Variants in PITPNM2 observed in about 807,000 individuals in gnomAD.
PITPNM2 encodes phosphatidylinositol transfer protein membrane associated 2.
In PITPNM2, 35 loss-of-function variants were observed where a neutral mutation model predicts 132.2. That is an observed-to-expected ratio of 0.26 (90% CI 0.20 to 0.35). PITPNM2 has a LOEUF of 0.35. Among genes scored for constraint, PITPNM2 ranks in the 10% least tolerant of loss-of-function variants. The pLI is 1.00. For missense variants in PITPNM2, 1,332 were observed against 1,912.0 expected (o/e 0.70, Z 5.66); for synonymous variants, 738 against 799.2 (o/e 0.92, Z 1.29).
chr12:123,035,165 A>T (rs940589885), intron 2 of PITPNM2, among the ~76,000 whole-genome samples: 1 of 152,236 alleles, frequency 6.6e-6, no homozygotes, highest in Non-Finnish European at 1.5e-5. Context: ...ACATCACTAC[A>T]TCCCAAGGGG....
chr12:123,039,319 A>G (rs2040380182), intron 2 of PITPNM2, among the ~76,000 whole-genome samples: 1 of 152,174 alleles, frequency 6.6e-6, no homozygotes, highest in Non-Finnish European at 1.5e-5. Flanking sequence ...GTTGAAATCC[A>G]ACTAACCAAA....
chr12:123,101,838 A>C (rs746097464), intron 2 of PITPNM2, among the ~76,000 whole-genome samples: 2 of 152,150 alleles, frequency 1.3e-5, no homozygotes, highest in Non-Finnish European at 2.9e-5. Flanking sequence ...TGGGAGGATC[A>C]CTTGAGGAAA....
intron 2 of PITPNM2, among the ~76,000 whole-genome samples, chr12:123,060,891 A>G (rs2041212532): frequency 6.6e-6 from 1 of 152,120 alleles, no homozygotes; most frequent in Non-Finnish European, 1.5e-5. Context: ...GTAGATGGAA[A>G]AATTAAGGCC....
At chr12:123,076,301 C>T (rs1435430887) in intron 2 of PITPNM2, among the ~76,000 whole-genome samples, 1 of 152,164 alleles carries the variant, frequency 6.6e-6, no homozygotes, top group Non-Finnish European at 1.5e-5. Flanking sequence ...TTCCTCTCAT[C>T]CTGCCCAGTT....
At chr12:123,021,545 G>T in intron 3 of PITPNM2, 1 of 630,316 alleles carries the variant, frequency 1.6e-6, no homozygotes, top group Non-Finnish European at 2.0e-6. Context: ...AAAATGCTGG[G>T]ATTACAGGAG....
chr12:123,063,094 C>T (rs559117725), intron 2 of PITPNM2, among the ~76,000 whole-genome samples: 12 of 152,390 alleles, frequency 7.9e-5, no homozygotes, highest in African/African-American at 2.6e-4. Context: ...GCTCTGCTGA[C>T]GGAACCTGTG....
chr12:122,997,696 A>C (rs2136133387), intron 10 of PITPNM2, 124 bp from the exon 11 acceptor site: 1 of 1,359,862 alleles, frequency 7.4e-7, no homozygotes, highest in South Asian at 1.4e-5. Flanking sequence ...TGAGAACCCC[A>C]GTTTTGGTTA....
At chr12:123,072,269 G>C (rs1009357444) in intron 2 of PITPNM2, among the ~76,000 whole-genome samples, 6 of 152,176 alleles carry the variant, frequency 3.9e-5, no homozygotes. Flanking sequence ...GGCTCCGAGA[G>C]GTCAAAGGAA....
chr12:123,151,090 T>C lies in PITPNM2; in HGVS notation c.-537A>G, dbSNP rs1339249278. On this transcript the variant is annotated 5_prime_UTR_variant, in exon 1 of 26. Transcript: ENST00000320201. ...CCCCGCGCACCCCAGCGGCCGCTGC[T>C]GCCCGCGCGCGCCGGGCCGGGCTCG... 6.9e-6 allele frequency among the ~76,000 whole-genome samples: 1 copy of C among 144,082 alleles called. No individual in the cohort carries two copies. The allele number at this position is 144,082 out of a possible 152,430, so 94.5% of individuals were successfully genotyped here. A position where few individuals can be genotyped will look rare whatever the true frequency, so the allele number is the denominator to read the frequency against.
At chr12:123,040,464 A>G (rs1021180531) in intron 2 of PITPNM2, among the ~76,000 whole-genome samples, 1 of 152,192 alleles carries the variant, frequency 6.6e-6, no homozygotes, top group Non-Finnish European at 1.5e-5. Context: ...TTAAATGAGT[A>G]TATGTATGGT....
intron 2 of PITPNM2, among the ~76,000 whole-genome samples, chr12:123,059,333 G>C (rs1214940353): frequency 6.6e-6 from 1 of 152,228 alleles, no homozygotes; most frequent in African/African-American, 2.4e-5. Context: ...AAAAGGTCTC[G>C]GATGTGGGGC....
intron 2 of PITPNM2, among the ~76,000 whole-genome samples, chr12:123,054,061 T>C (rs1375131271): frequency 3.3e-5 from 5 of 152,198 alleles, no homozygotes; most frequent in Non-Finnish European, 5.9e-5. Context: ...ATTCACTCCA[T>C]ATCTGTCATT....
intron 5 of PITPNM2, 133 bp downstream of exon 5, chr12:123,012,480 A>C (rs990987176): frequency 2.4e-6 from 3 of 1,250,408 alleles, no homozygotes; most frequent in Non-Finnish European, 3.3e-6. Context: ...GCTTGCTCCA[A>C]CTCTGACCTG....
At position 122,986,845 on chromosome 12, in the gene PITPNM2, C is replaced by T. The variant is rs564433704; in HGVS notation, c.3414-16G>A. ...CTGCCAGTGCCTGGGGGTGAGGTGT[C>T]GTCTCATGGTCACCCCTTCCTCCCT... On this transcript the variant is annotated splice_polypyrimidine_tract_variant and intron_variant, in intron 23 of 25. Coordinates refer to ENST00000320201, the MANE Select transcript of PITPNM2 (RefSeq NM_020845.3). 31 of 1,593,110 alleles carry T rather than the reference C, an allele frequency of 1.9e-5. No individual in the cohort carries two copies. In the East Asian group the frequency reaches 3.9e-4, roughly 20 times the overall value.
Position 123,022,293 on chromosome 12 carries a change from A to G in PITPNM2, c.79-8251T>C, listed in dbSNP as rs1477737580. Among the ~76,000 whole-genome samples, 3 of 152,196 alleles carry G rather than the reference A, an allele frequency of 2.0e-5. No individual in the cohort carries two copies. Among genetic ancestry groups the G allele is most frequent in the Non-Finnish European group, 4.4e-5 (3 of 68,028 alleles). ...CTGGGTCTCAGCTGTGCCTCTGATC[A>G]GGATGCGGCTGCGGAGGAAGGCCCT... On this transcript the variant is annotated intron_variant, in intron 3 of 25. Transcript: ENST00000320201. The surrounding 1 kb of genome is among the most constrained non-coding windows in gnomAD (Gnocchi z 4.9).
At chr12:123,039,542 T>C (rs2040387582) in intron 2 of PITPNM2, among the ~76,000 whole-genome samples, 1 of 152,128 alleles carries the variant, frequency 6.6e-6, no homozygotes, top group Non-Finnish European at 1.5e-5. Context: ...ATTAAGTAGG[T>C]AGAAAAATTA....
In PITPNM2 at chr12:123,008,706, G is replaced by A. The variant is rs1270400146; in HGVS notation, c.643+1144C>T. On this transcript the variant is annotated intron_variant, in intron 6 of 25. Coordinates refer to ENST00000320201, the MANE Select transcript of PITPNM2 (RefSeq NM_020845.3). This position sits in a 1 kb window ranked among gnomAD's most constrained non-coding sequence, Gnocchi z 4.1. ...CCTCTCCCAGCTGCTGATTGACACC[G>A]CAGCAGCCCTTCTGGAAAAAGAATG... 1.3e-5 allele frequency among the ~76,000 whole-genome samples: 2 copies of A among 152,304 alleles called. No individual in the cohort carries two copies. Among genetic ancestry groups the A allele is most frequent in the South Asian group, 2.1e-4 (1 of 4,826 alleles).
In PITPNM2 at chr12:122,996,469, C is replaced by G. The variant is rs370639859; in HGVS notation, c.1771G>C (p.Val591Leu). Residue 591 changes from valine (V) to leucine (L), a missense_variant, in exon 13 of 26, where the codon GTC (valine) becomes CTC (leucine). By Grantham distance (32) the Val-to-Leu change is conservative. This residue lies in a region of PITPNM2 where 710 missense variants were observed against 911.5 expected (regional missense o/e 0.78). Transcript: ENST00000320201. ...SQSSSRRGSV[V>L]SMQDNDLLSP... Reference sequence around the variant, plus strand: ...CCCCACTTGGGTACCTGCATGCTGACCACGCTGCCCCGGCGGCTGCTGCTC... The same window carrying G: ...CCCCACTTGGGTACCTGCATGCTGAGCACGCTGCCCCGGCGGCTGCTGCTC... 1 of 1,613,102 alleles carries G rather than the reference C, an allele frequency of 6.2e-7. No individual in the cohort carries two copies. The highest frequency in any genetic ancestry group is 1.1e-5 in the South Asian group (1 of 91,078).
intron 2 of PITPNM2, among the ~76,000 whole-genome samples, chr12:123,093,998 G>A (rs752675344): frequency 8.5e-5 from 13 of 152,250 alleles, no homozygotes; most frequent in African/African-American, 1.4e-4. Flanking sequence ...CTCAGGCTGG[G>A]CTCGGAGGCT....
Sources: allele counts gnomAD v4.1 joint callset (sites outside exome capture counted in the v4.1 genomes callset), GRCh38; gene constraint gnomAD v4.1.1; regional missense constraint gnomAD v4.1.1; non-coding constraint Gnocchi (gnomAD v3.1); transcripts MANE v1.5; gene names NCBI Gene and HGNC (gene_info 2026-07-23, HGNC 2026-07-21).